Variants in PDE3B observed in about 807,000 individuals in gnomAD.
PDE3B encodes phosphodiesterase 3B.
Under a neutral mutation model 116.8 loss-of-function variants are expected in PDE3B, and 66 were observed. The ratio of observed to expected loss-of-function variants is 0.56; its 90% CI spans 0.46 to 0.69. The LOEUF (loss-of-function observed/expected upper bound fraction) is 0.69. PDE3B is among the 30% of genes least tolerant of loss of function. The pLI, the probability that PDE3B is intolerant of heterozygous loss-of-function variation, is 0.00. For missense variants in PDE3B, 1,384 were observed against 1,368.1 expected (o/e 1.01, Z -0.18); for synonymous variants, 595 against 533.6 (o/e 1.12, Z -1.59).
At position 14,644,322 on chromosome 11, in the gene PDE3B, G is replaced by A. The variant is rs1054032013; in HGVS notation, c.247G>A (p.Gly83Ser). ...CTTCTGCCGGGCGCGCCTCTCGCTG[G>A]GCGCCCTGGCTGCCTTTGTCCTCGC... is the stretch of plus-strand genomic sequence containing the variant. ...SPFCRARLSL[G>S]ALAAFVLALL... The change falls in exon 1 of 16, where the codon GGC (glycine) becomes AGC (serine). Residue 83 changes from glycine to serine, a missense_variant. Around this residue, in one of 2 missense-constraint regions of PDE3B, gnomAD observed 956 missense variants for 806.8 expected, o/e 1.18. Coordinates refer to ENST00000282096, the MANE Select transcript of PDE3B (RefSeq NM_000922.4). The A allele has an allele frequency of 2.2e-5, 34 of 1,569,498 alleles. No homozygotes were observed. The highest frequency in any genetic ancestry group is 2.9e-5 in the Non-Finnish European group (34 of 1,163,612).
intron 10 of PDE3B, among the ~76,000 whole-genome samples, 156 bp downstream of exon 10, chr11:14,832,989 C>T (rs1859941796): frequency 6.7e-6 from 1 of 150,020 alleles, no homozygotes; most frequent in Non-Finnish European, 1.5e-5. Flanking sequence ...TTGATCTTGT[C>T]GTCCAGGCTG....
At chr11:14,899,310 T>A in the PDE3B span, among the ~76,000 whole-genome samples, 115 of 152,316 alleles carry the variant, frequency 7.6e-4, no homozygotes, top group Middle Eastern at 3.4e-3. Flanking sequence ...AAATTTTTTC[T>A]CTACTGCAAA....
chr11:14,645,348 A>C (rs1853369631), intron 1 of PDE3B, among the ~76,000 whole-genome samples: 1 of 152,234 alleles, frequency 6.6e-6, no homozygotes, highest in Admixed American at 6.5e-5. Context: ...AGTTCGCAGA[A>C]GAATGAGGTG....
In PDE3B at chr11:14,861,283, C is replaced by T; in HGVS notation, c.2803C>T (p.Leu935=). Residue 935 remains leucine, a synonymous_variant, in exon 14 of 16, where the codon CTG becomes TTG. Coordinates refer to ENST00000282096, the MANE Select transcript of PDE3B (RefSeq NM_000922.4). ...RLLVCQVCIK[L]ADINGPAKVR... ...CTTGGTATGCCAGGTGTGCATCAAA[C>T]TGGCAGATATAAATGGCCCAGCAAA... 6.2e-7 allele frequency: 1 copy of T among 1,613,372 alleles called. No homozygotes were observed. Among genetic ancestry groups the T allele is most frequent in the Non-Finnish European group, 8.5e-7 (1 of 1,179,416 alleles).
chr11:14,767,610 G>T (rs896142259), intron 1 of PDE3B, among the ~76,000 whole-genome samples: 6 of 151,358 alleles, frequency 4.0e-5, no homozygotes, highest in Non-Finnish European at 8.9e-5. Flanking sequence ...AAATACTTCA[G>T]GTAAGATGAT....
At chr11:14,781,427 C>T (rs920237543) in intron 2 of PDE3B, among the ~76,000 whole-genome samples, 1 of 152,174 alleles carries the variant, frequency 6.6e-6, no homozygotes, top group African/African-American at 2.4e-5. Flanking sequence ...TACTGGCAAA[C>T]CGAATCCAGC....
the PDE3B span, chr11:14,880,324 T>A: frequency 1.2e-6 from 2 of 1,613,308 alleles, no homozygotes; most frequent in East Asian, 4.5e-5. Flanking sequence ...CTGAGGTAGC[T>A]GAGGCTTTCT....
chr11:14,867,113 C>G (rs1449379342), intron 14 of PDE3B, among the ~76,000 whole-genome samples: 1 of 150,136 alleles, frequency 6.7e-6, no homozygotes, highest in African/African-American at 2.4e-5. Context: ...AAAGCACTTG[C>G]AAAATTCAGC....
intron 1 of PDE3B, among the ~76,000 whole-genome samples, chr11:14,705,956 C>T (rs964501125): frequency 4.6e-5 from 7 of 151,824 alleles, no homozygotes; most frequent in Non-Finnish European, 1.0e-4. Flanking sequence ...ATAGTCACTT[C>T]AAATCTTTTA....
At chr11:14,823,945 GT>G (rs1251002042) in intron 7 of PDE3B, among the ~76,000 whole-genome samples, 2 of 152,190 alleles carry the variant, frequency 1.3e-5, no homozygotes, top group Non-Finnish European at 2.9e-5. Context: ...GGAGGGGTGG[GT>G]TGCTATCTTT....
chr11:14,868,973 A>G (rs1848096381), intron 15 of PDE3B, among the ~76,000 whole-genome samples: 1 of 151,942 alleles, frequency 6.6e-6, no homozygotes, highest in South Asian at 2.1e-4. Context: ...GTGAGCTGAG[A>G]TCGTGCCACT....
chr11:14,885,986 A>G, the PDE3B span: 1 of 1,492,586 alleles, frequency 6.7e-7, no homozygotes, highest in Non-Finnish European at 9.3e-7. Flanking sequence ...ATGGAAATCT[A>G]CAAGTGGTAA....
In PDE3B at chr11:14,847,018, C is replaced by T. The variant is rs1384992029; in HGVS notation, c.2520+2992C>T. The stretch of plus-strand genomic sequence containing the variant: ...ATAGACATCTACAGAACTCTCCACC[C>T]CAAATCAACAGAATATACATTTTTT... On this transcript the variant is annotated intron_variant, in intron 12 of 15. Transcript: ENST00000282096. Among the ~76,000 whole-genome samples the T allele has an allele frequency of 3.3e-5, 5 of 152,162 alleles. No individual in the cohort carries two copies. In the East Asian group the frequency reaches 9.6e-4, roughly 29 times the overall value.
chr11:14,865,322 A>T (rs1367123852), intron 14 of PDE3B, among the ~76,000 whole-genome samples: 10 of 152,188 alleles, frequency 6.6e-5, no homozygotes, highest in Non-Finnish European at 1.5e-5. Flanking sequence ...ACATTTTGTT[A>T]TCTCCAAAAT....
chr11:14,819,263 A>G, intron 7 of PDE3B, 54 bp downstream of exon 7: 2 of 1,031,972 alleles, frequency 1.9e-6, no homozygotes, highest in East Asian at 2.4e-5. Flanking sequence ...TCTTACAATG[A>G]TTTTTAGAAT....
chr11:14,853,059 T>G (rs1359588384), intron 12 of PDE3B, among the ~76,000 whole-genome samples: 1 of 151,572 alleles, frequency 6.6e-6, no homozygotes, highest in African/African-American at 2.4e-5. Context: ...ACTGGCTTCC[T>G]TGCTAATACC....
chr11:14,769,965 G>C (rs17409116), intron 1 of PDE3B, among the ~76,000 whole-genome samples: 2,097 of 151,294 alleles, frequency 0.014, 18 homozygotes, highest in Non-Finnish European at 0.023. Context: ...GGGGAAGGCA[G>C]ACTACTCAAT....
chr11:14,890,156 T>C, the PDE3B span, among the ~76,000 whole-genome samples: 47 of 151,702 alleles, frequency 3.1e-4, no homozygotes, highest in African/African-American at 1.1e-3. Context: ...ACTAATAACA[T>C]ACACAATAAC....
the PDE3B span, chr11:14,880,062 A>G: frequency 1.3e-6 from 2 of 1,500,256 alleles, no homozygotes; most frequent in Admixed American, 1.8e-5. Flanking sequence ...TGTATTGTGC[A>G]TGGCCAAGAC....
Sources: gnomAD v4.1 joint callset for allele counts (sites outside exome capture counted in the v4.1 genomes callset) on GRCh38, gnomAD v4.1.1 for gene constraint, gnomAD v4.1.1 regional missense constraint, MANE v1.5 for transcripts, NCBI Gene and HGNC (gene_info 2026-07-23, HGNC 2026-07-21) for gene names.